SLC35D4: variants seen among roughly 807,000 people sequenced by gnomAD.
The protein encoded by SLC35D4 is UDP-N-acetylglucosamine transporter SLC35D4.
chr18:23,403,991 G>GT, the SLC35D4 span, among the ~76,000 whole-genome samples: 2 of 151,942 alleles, frequency 1.3e-5, no homozygotes, highest in Admixed American at 1.3e-4. Context: ...GGTGGCTCAT[G>GT]TCTGTAGTCC....
the SLC35D4 span, among the ~76,000 whole-genome samples, chr18:23,398,994 G>A: frequency 1.3e-5 from 2 of 152,164 alleles, no homozygotes; most frequent in African/African-American, 4.8e-5. Flanking sequence ...AATTTTTGGA[G>A]TTCCAAATAA....
chr18:23,421,824 G>A, the SLC35D4 span, among the ~76,000 whole-genome samples: 5 of 151,784 alleles, frequency 3.3e-5, no homozygotes, highest in East Asian at 1.9e-4. Context: ...TTACAGGTGC[G>A]TGCCACCATG....
At chr18:23,344,213 C>T in the SLC35D4 span, among the ~76,000 whole-genome samples, 1 of 152,140 alleles carries the variant, frequency 6.6e-6, no homozygotes, top group Admixed American at 6.5e-5. Context: ...TGCATAGTAT[C>T]CCATGGTGCA....
chr18:23,275,593 A>AGTGCTGTGCTGTGCTGTGCT, the SLC35D4 span, among the ~76,000 whole-genome samples: 376 of 140,690 alleles, frequency 2.7e-3, 1 homozygote, highest in African/African-American at 9.6e-3. Flanking sequence ...GGTCAGAAAG[A>AGTGCTGTGCTGTGCTGTGCT]GTGCTGTGCT....
chr18:23,309,176 C>A, the SLC35D4 span, among the ~76,000 whole-genome samples: 4 of 149,052 alleles, frequency 2.7e-5, no homozygotes, highest in East Asian at 8.2e-4. Context: ...GCATTGTTGA[C>A]CCACAGTTGG....
At chr18:23,356,773 A>C in the SLC35D4 span, 1 of 887,116 alleles carries the variant, frequency 1.1e-6, no homozygotes, top group Non-Finnish European at 1.8e-6. This position sits in a 1 kb window ranked among gnomAD's most constrained non-coding sequence, Gnocchi z 4.1. Flanking sequence ...CTGTGCTTTC[A>C]GTCCCCTGGC....
the SLC35D4 span, among the ~76,000 whole-genome samples, chr18:23,327,457 G>C: frequency 6.6e-6 from 1 of 152,110 alleles, no homozygotes; most frequent in South Asian, 2.1e-4. Context: ...TAGAAGAAAT[G>C]GATAAATTCC....
chr18:23,322,014 C>T, the SLC35D4 span, among the ~76,000 whole-genome samples: 2 of 152,192 alleles, frequency 1.3e-5, no homozygotes, highest in Non-Finnish European at 2.9e-5. Context: ...TCCTTCTCTG[C>T]CCACGGAGGA....
the SLC35D4 span, among the ~76,000 whole-genome samples, chr18:23,396,328 G>A: frequency 2.6e-5 from 4 of 152,140 alleles, no homozygotes; most frequent in Non-Finnish European, 4.4e-5. Flanking sequence ...CATTCCTTAT[G>A]GATTCATTAA....
chr18:23,421,080 C>T, the SLC35D4 span, among the ~76,000 whole-genome samples: 1 of 151,636 alleles, frequency 6.6e-6, no homozygotes, highest in African/African-American at 2.4e-5. Context: ...CCCGTCTCTA[C>T]TAAAAATACA....
At chr18:23,297,676 C>T in the SLC35D4 span, 2 of 294,220 alleles carry the variant, frequency 6.8e-6, no homozygotes, top group Non-Finnish European at 1.3e-5. Flanking sequence ...GCAGAGCCAG[C>T]CCATGAAATC....
At chr18:23,279,858 C>T in the SLC35D4 span, among the ~76,000 whole-genome samples, 18 of 152,140 alleles carry the variant, frequency 1.2e-4, no homozygotes, top group Non-Finnish European at 4.4e-5. Context: ...CACACATACA[C>T]ACACATGTAT....
At chr18:23,334,043 C>T in the SLC35D4 span, among the ~76,000 whole-genome samples, 1 of 152,126 alleles carries the variant, frequency 6.6e-6, no homozygotes, top group African/African-American at 2.4e-5. Flanking sequence ...AGGTGGATTG[C>T]TGGGAAGTAT....
chr18:23,350,105 C>T, the SLC35D4 span, among the ~76,000 whole-genome samples: 5 of 152,266 alleles, frequency 3.3e-5, no homozygotes, highest in Non-Finnish European at 5.9e-5. Flanking sequence ...ACATAACATA[C>T]GGTAGCAACT....
chr18:23,388,679 C>T, the SLC35D4 span, among the ~76,000 whole-genome samples: 1 of 152,204 alleles, frequency 6.6e-6, no homozygotes, highest in Non-Finnish European at 1.5e-5. Flanking sequence ...CCACCCAAAT[C>T]TTATGTCGAA....
chr18:23,352,265 C>T, the SLC35D4 span: 9 of 1,608,964 alleles, frequency 5.6e-6, no homozygotes, highest in South Asian at 8.9e-5. Flanking sequence ...CTGTACTGAA[C>T]ATGAGAAAGA....
the SLC35D4 span, among the ~76,000 whole-genome samples, chr18:23,239,956 AAAAAT>A: frequency 6.6e-6 from 1 of 152,150 alleles, no homozygotes; most frequent in Non-Finnish European, 1.5e-5. Flanking sequence ...CATCTCTACT[AAAAAT>A]AAAAAAATTA....
At chr18:23,239,961 T>TA in the SLC35D4 span, among the ~76,000 whole-genome samples, 2 of 151,916 alleles carry the variant, frequency 1.3e-5, no homozygotes, top group Admixed American at 6.6e-5. Flanking sequence ...CTACTAAAAA[T>TA]AAAAAAATTA....
the SLC35D4 span, chr18:23,352,188 T>G: frequency 1.0e-4 from 162 of 1,602,730 alleles, no homozygotes; most frequent in Non-Finnish European, 1.4e-4. Context: ...ACCCCTCTTG[T>G]CTCTTACCTT....
Sources: allele counts gnomAD v4.1 joint callset (sites outside exome capture counted in the v4.1 genomes callset), GRCh38; gene constraint gnomAD v4.1.1; non-coding constraint Gnocchi (gnomAD v3.1); transcripts MANE v1.5; gene names NCBI Gene and HGNC (gene_info 2026-07-23, HGNC 2026-07-21).